The following LONRF2 variants were observed in gnomAD, a reference collection of about 807,000 sequenced individuals.
The protein encoded by LONRF2 is LON peptidase N-terminal domain and ring finger 2.
In LONRF2, 35 loss-of-function variants were observed where a neutral mutation model predicts 66.6. The ratio of observed to expected loss-of-function variants is 0.53; its 90% CI spans 0.40 to 0.70. LONRF2 has a LOEUF of 0.70. LONRF2 is among the 30% of genes least tolerant of loss of function. LONRF2 has a pLI of 0.00. For missense variants in LONRF2, 902 were observed against 1,002.1 expected (o/e 0.90, Z 1.35); for synonymous variants, 417 against 418.1 (o/e 1.00, Z 0.03).
At chr2:100,285,601 C>T (rs1259731081) in intron 11 of LONRF2, among the ~76,000 whole-genome samples, 1 of 152,070 alleles carries the variant, frequency 6.6e-6, no homozygotes, top group Non-Finnish European at 1.5e-5. Flanking sequence ...CTGATGGGCC[C>T]AATGTGTTCA....
At chr2:100,290,469 G>A (rs1355014676) in intron 9 of LONRF2, 49 bp from the exon 10 acceptor site, 2 of 1,548,624 alleles carry the variant, frequency 1.3e-6, no homozygotes, top group African/African-American at 1.4e-5. Flanking sequence ...AATGCAGGGG[G>A]CCTTCTTTTT....
Position 100,275,912 on chromosome 2 carries a change from G to A in LONRF2, c.*8386C>T, listed in dbSNP as rs928197470. On this transcript the variant is annotated 3_prime_UTR_variant, in exon 12 of 12. Coordinates refer to ENST00000393437, the MANE Select transcript of LONRF2 (RefSeq NM_198461.4). ...CTAAATAGACTGTGTATTTATGCGT[G>A]TGAGTGCATATACATACACATACAC... 5.5e-4 allele frequency: 83 copies of A among 152,202 alleles called. No homozygotes were observed. The highest frequency in any genetic ancestry group is 1.9e-3 in the African/African-American group (80 of 41,432). 9.4% of individuals were successfully genotyped at this position (152,202 alleles called of 1,614,324 possible). A position where few individuals can be genotyped will look rare whatever the true frequency, so the allele number is the denominator to read the frequency against.
Position 100,321,401 on chromosome 2 carries a change from C to G in LONRF2, c.679+14G>C. On this transcript the variant is annotated intron_variant, in intron 1 of 11. Transcript: ENST00000393437. ...AGGTGTAGGGGAGGCGGACCCGCCC[C>G]GCAGCCGACTCACCCAGCTCCAGGG... The G allele has an allele frequency of 3.5e-6, 5 of 1,429,054 alleles. No individual in the cohort carries two copies. Among genetic ancestry groups the G allele is most frequent in the Non-Finnish European group, 4.5e-6 (5 of 1,102,376 alleles). The allele number at this position is 1,429,054 out of a possible 1,614,324, so 88.5% of individuals were successfully genotyped here.
intron 10 of LONRF2, among the ~76,000 whole-genome samples, chr2:100,287,462 CTTTTT>C (rs990406699): frequency 4.7e-4 from 72 of 152,104 alleles, no homozygotes; most frequent in African/African-American, 1.6e-3. Context: ...TTTTGTTTTG[CTTTTT>C]TGACAAGGGA....
At position 100,290,289 on chromosome 2, in the gene LONRF2, G is replaced by T; in HGVS notation, c.1889C>A (p.Thr630Lys). Residue 630 changes from threonine (T) to lysine (K), a missense_variant, in exon 10 of 12, where the codon ACA (threonine) becomes AAA (lysine). Coordinates refer to ENST00000393437, the MANE Select transcript of LONRF2 (RefSeq NM_198461.4). ...ATCTTCAAGATATTCAATGTCCGCT[G>T]TGTTATAGCCATCTCTGTGGCGGTG... ...LSHRHRDGYN[T>K]ADIEYLEDEK... is the part of the protein sequence containing the mutation. The T allele has an allele frequency of 6.2e-7, 1 of 1,614,014 alleles. No homozygotes were observed. Among genetic ancestry groups the T allele is most frequent in the Non-Finnish European group, 8.5e-7 (1 of 1,179,972 alleles).
intron 7 of LONRF2, among the ~76,000 whole-genome samples, chr2:100,297,039 A>G (rs796154474): frequency 5.9e-5 from 9 of 152,266 alleles, no homozygotes; most frequent in African/African-American, 1.9e-4. Flanking sequence ...TTCAACAAAG[A>G]CTTCTAGAGT....
In LONRF2 at chr2:100,291,050, C is replaced by T. The variant is rs1360659583; in HGVS notation, c.1758-630G>A. Reference sequence around the variant, plus strand: ...ACGACAAGGAAAACCAGATAAACCACAAAACATATGTCTCTTGAACCCACC... The same window carrying T: ...ACGACAAGGAAAACCAGATAAACCATAAAACATATGTCTCTTGAACCCACC... On this transcript the variant is annotated intron_variant, in intron 9 of 11. Transcript: ENST00000393437. Among the ~76,000 whole-genome samples, 7 of 152,254 alleles carry T rather than the reference C, an allele frequency of 4.6e-5. No homozygotes were observed. In the East Asian group the frequency reaches 1.2e-3, roughly 25 times the overall value.
intron 10 of LONRF2, among the ~76,000 whole-genome samples, chr2:100,289,976 G>A (rs1225683668): frequency 6.6e-6 from 1 of 152,106 alleles, no homozygotes; most frequent in Non-Finnish European, 1.5e-5. Context: ...GTGTGGTGGT[G>A]TGCACCTACA....
At chr2:100,316,318 CAAA>C (rs57110532) in intron 1 of LONRF2, among the ~76,000 whole-genome samples, 122 of 100,942 alleles carry the variant, frequency 1.2e-3, no homozygotes, top group Admixed American at 4.8e-3. Flanking sequence ...GACTCCATCT[CAAA>C]AAAAAAAAAA....
At chr2:100,295,616 A>C in intron 7 of LONRF2, 63 bp from the exon 8 acceptor site, 1 of 1,532,482 alleles carries the variant, frequency 6.5e-7, no homozygotes, top group Non-Finnish European at 8.8e-7. Flanking sequence ...GAAGCTTCCG[A>C]GTGGAAAGGT....
chr2:100,286,997 A>G lies in LONRF2; in HGVS notation c.1987T>C (p.Trp663Arg), dbSNP rs145208665. The G allele has an allele frequency of 3.1e-6, 5 of 1,614,130 alleles. No individual in the cohort carries two copies. Among genetic ancestry groups the G allele is most frequent in the Non-Finnish European group, 4.2e-6 (5 of 1,180,048 alleles). The change falls in exon 11 of 12, where the codon TGG (tryptophan) becomes CGG (arginine). Residue 663 changes from tryptophan to arginine, a missense_variant. By Grantham distance (101) the Trp-to-Arg change is moderately radical. Transcript: ENST00000393437. ...HDSVHQQSVS[W>R]FASLQDRMKE... ...ATGCGATCCTGGAGAGACGCGAACC[A>G]GGAAACAGACTGTTGATGCACAGAA...
In LONRF2 at chr2:100,276,631, T is replaced by G. The variant is rs1674607048; in HGVS notation, c.*7667A>C. The G allele has an allele frequency of 1.3e-5, 2 of 152,090 alleles. No individual in the cohort carries two copies. Among genetic ancestry groups the G allele is most frequent in the Non-Finnish European group, 1.5e-5 (1 of 68,028 alleles). The allele number at this position is 152,090 out of a possible 1,614,324, so 9.4% of individuals were successfully genotyped here. On this transcript the variant is annotated 3_prime_UTR_variant, in exon 12 of 12. Coordinates refer to ENST00000393437, the MANE Select transcript of LONRF2 (RefSeq NM_198461.4). ...CCATTGAACAGCCCAATCTTTCCTA[T>G]CCTTAAACCTGGAAAAAAACAAGTG... is the stretch of plus-strand genomic sequence containing the variant.
In LONRF2 at chr2:100,294,221, G is replaced by A; in HGVS notation, c.1757+8C>T. On this transcript the variant is annotated splice_region_variant and intron_variant, in intron 9 of 11. Coordinates refer to ENST00000393437, the MANE Select transcript of LONRF2 (RefSeq NM_198461.4). ...GGACCCTTTGAACCAAATGCTAACA[G>A]TTCTTACCCCGCGTGCTCAGCAGAT... The A allele has an allele frequency of 1.2e-6, 2 of 1,603,392 alleles. No individual in the cohort carries two copies. The highest frequency in any genetic ancestry group is 1.7e-6 in the Non-Finnish European group (2 of 1,176,098).
intron 9 of LONRF2, among the ~76,000 whole-genome samples, chr2:100,293,510 T>C (rs1474929120): frequency 6.6e-6 from 1 of 152,148 alleles, no homozygotes; most frequent in Non-Finnish European, 1.5e-5. Context: ...AGCACTTGAA[T>C]GCAGTGACCT....
At chr2:100,319,865 G>A (rs1246993004) in intron 1 of LONRF2, among the ~76,000 whole-genome samples, 1 of 152,078 alleles carries the variant, frequency 6.6e-6, no homozygotes, top group East Asian at 1.9e-4. Flanking sequence ...GAAACTATTT[G>A]GCCAAGGACA....
Position 100,281,565 on chromosome 2 carries a change from C to G in LONRF2, c.*2733G>C, listed in dbSNP as rs1384837338. ...AAAGCTGCCTTTGGGATCTTACTTG[C>G]ATTTCAAAGACACAGGCAGGTTTGG... On this transcript the variant is annotated 3_prime_UTR_variant, in exon 12 of 12. Transcript: ENST00000393437. The G allele has an allele frequency of 6.6e-6, 1 of 152,132 alleles. No homozygotes were observed. The highest frequency in any genetic ancestry group is 1.5e-5 in the Non-Finnish European group (1 of 68,030). The allele number at this position is 152,132 out of a possible 1,614,324, so 9.4% of individuals were successfully genotyped here. A position where few individuals can be genotyped will look rare whatever the true frequency, so the allele number is the denominator to read the frequency against.
rs376857220 is a variant in LONRF2 at position 100,300,654 on chromosome 2, C to T, written c.1055G>A (p.Gly352Glu). The change falls in exon 4 of 12, where the codon GGG becomes GAG. Residue 352 changes from glycine (G) to glutamate (E), a missense_variant. Around this residue, in one of 2 missense-constraint regions of LONRF2, gnomAD observed 585 missense variants for 569.9 expected, o/e 1.03. Transcript: ENST00000393437. ...AQALLEEGDA[G>E]SSENSSEKSD... is the part of the protein sequence containing the mutation. Reference sequence around the variant, plus strand: ...GCATGCACGTCATACCTCCGAGCTCCCTGCATCACCTTCTTCCAGCAGAGC... The same window carrying T: ...GCATGCACGTCATACCTCCGAGCTCTCTGCATCACCTTCTTCCAGCAGAGC... 6.8e-6 allele frequency: 11 copies of T among 1,610,276 alleles called. No individual in the cohort carries two copies. The African/African-American group carries it at 1.3e-4, about 20-fold the overall frequency.
At chr2:100,316,034 T>G (rs1456523527) in intron 1 of LONRF2, among the ~76,000 whole-genome samples, 2 of 151,962 alleles carry the variant, frequency 1.3e-5, no homozygotes, top group Non-Finnish European at 2.9e-5. Context: ...AATAGAAAAT[T>G]TTCTGGCCGG....
intron 11 of LONRF2, 106 bp from the exon 12 acceptor site, chr2:100,284,598 C>T: frequency 3.3e-6 from 3 of 909,822 alleles, no homozygotes; most frequent in South Asian, 2.3e-5. Context: ...GAATTAAATG[C>T]CACCTTGTAT....
Sources: gnomAD v4.1 joint callset for allele counts (sites outside exome capture counted in the v4.1 genomes callset) on GRCh38, gnomAD v4.1.1 for gene constraint, gnomAD v4.1.1 regional missense constraint, MANE v1.5 for transcripts, NCBI Gene and HGNC (gene_info 2026-07-23, HGNC 2026-07-21) for gene names.